Variants in CCDC73 observed in about 807,000 individuals in gnomAD.
The protein encoded by CCDC73 is coiled-coil domain containing 73.
A neutral mutation model predicts 116.5 loss-of-function variants in CCDC73; 95 were observed. That is an observed-to-expected ratio of 0.82 (90% CI 0.69 to 0.97). The LOEUF (loss-of-function observed/expected upper bound fraction) is 0.97, where lower values mean the gene tolerates loss of function less well. Among genes scored for constraint, CCDC73 ranks in the 50% least tolerant of loss-of-function variants. The pLI is 0.00. For synonymous variants in CCDC73, 398 were observed against 401.3 expected (o/e 0.99, Z 0.10); for missense variants, 1,066 against 1,206.8 (o/e 0.88, Z 1.73).
At chr11:32,603,263 A>T (rs1855300806) in intron 17 of CCDC73, 1 of 374,452 alleles carries the variant, frequency 2.7e-6, no homozygotes, top group Non-Finnish European at 4.8e-6. Context: ...TTACTACTTC[A>T]TGTTTCCTCC....
At chr11:32,727,818 C>T (rs970935285) in intron 2 of CCDC73, among the ~76,000 whole-genome samples, 46 of 152,268 alleles carry the variant, frequency 3.0e-4, no homozygotes, top group African/African-American at 1.1e-3. Context: ...GATTCACCTG[C>T]CTCGGCCTCC....
rs576312244 is a variant in CCDC73, at chr11:32,670,440, T to A, written c.645+5125A>T. Among the ~76,000 whole-genome samples the A allele has an allele frequency of 2.6e-5, 4 of 151,302 alleles. No homozygotes were observed. The South Asian group carries it at 8.4e-4, about 32-fold the overall frequency. The stretch of plus-strand genomic sequence containing the variant: ...AGGAGGCTGAGGCAGGAGAATGGCG[T>A]GAACCTGGGGGGCGGAGCTTGCAGT... On this transcript the variant is annotated intron_variant, in intron 9 of 17. Transcript: ENST00000335185.
At chr11:32,646,459 A>G (rs1374280388) in intron 12 of CCDC73, among the ~76,000 whole-genome samples, 1 of 152,194 alleles carries the variant, frequency 6.6e-6, no homozygotes, top group East Asian at 1.9e-4. Flanking sequence ...GATTCTACCA[A>G]TACTCGGCAA....
chr11:32,768,931 G>C (rs1369955997), intron 1 of CCDC73, among the ~76,000 whole-genome samples: 1 of 152,190 alleles, frequency 6.6e-6, no homozygotes, highest in African/African-American at 2.4e-5. Context: ...CTTCATAAAA[G>C]AGGATATCCA....
chr11:32,807,482 T>C, the CCDC73 span, among the ~76,000 whole-genome samples: 1 of 152,180 alleles, frequency 6.6e-6, no homozygotes, highest in African/African-American at 2.4e-5. Flanking sequence ...ATGCCATACA[T>C]AAAGTTTGTC....
chr11:32,705,932 C>A (rs1188139002), intron 3 of CCDC73, among the ~76,000 whole-genome samples: 1 of 148,296 alleles, frequency 6.7e-6, no homozygotes. Flanking sequence ...TGTTTTTCTG[C>A]AGTTAGTAAT....
At chr11:32,670,516 T>G (rs2133282214) in intron 9 of CCDC73, among the ~76,000 whole-genome samples, 1 of 96,100 alleles carries the variant, frequency 1.0e-5, no homozygotes, top group East Asian at 4.1e-4. Context: ...AGCAAGGCTC[T>G]GTCTCAAAAA....
chr11:32,745,259 G>T (rs1850225940), intron 2 of CCDC73, among the ~76,000 whole-genome samples: 1 of 152,088 alleles, frequency 6.6e-6, no homozygotes, highest in African/African-American at 2.4e-5. Flanking sequence ...ATTGCCCTGT[G>T]GTCTGAGAGA....
At chr11:32,709,097 G>C (rs753597349) in intron 3 of CCDC73, among the ~76,000 whole-genome samples, 5 of 152,052 alleles carry the variant, frequency 3.3e-5, no homozygotes, top group Non-Finnish European at 7.4e-5. Context: ...ATTTTGCTGA[G>C]GGTTTTAATC....
At chr11:32,799,545 T>C (rs1185081629), upstream of CCDC73, among the ~76,000 whole-genome samples, 1 of 152,210 alleles carries the variant, frequency 6.6e-6, no homozygotes, top group Non-Finnish European at 1.5e-5. Context: ...TTTTTACACT[T>C]AACATAGATT....
intron 3 of CCDC73, among the ~76,000 whole-genome samples, chr11:32,705,415 T>C (rs987554199): frequency 3.3e-5 from 5 of 152,120 alleles, no homozygotes; most frequent in Non-Finnish European, 7.4e-5. Context: ...GTGCCTGCAG[T>C]GGAAGCCACT....
intron 7 of CCDC73, among the ~76,000 whole-genome samples, chr11:32,677,270 T>G (rs111340840): frequency 0.036 from 5,521 of 152,296 alleles, 106 homozygotes; most frequent in Non-Finnish European, 0.039. Flanking sequence ...ACTATTTACT[T>G]TATTGAAATA....
intron 1 of CCDC73, among the ~76,000 whole-genome samples, chr11:32,768,823 C>T (rs753980814): frequency 6.6e-6 from 1 of 152,002 alleles, no homozygotes; most frequent in Non-Finnish European, 1.5e-5. Context: ...CCACCATAGG[C>T]GACGGAGTGA....
rs185138382 is a variant in CCDC73 at position 32,640,958 on chromosome 11, G to A, written c.1050+1014C>T. On this transcript the variant is annotated intron_variant, in intron 13 of 17. Coordinates refer to ENST00000335185, the MANE Select transcript of CCDC73 (RefSeq NM_001008391.4). ...GTGAACCCAGGAGGCAGAGCTTGCA[G>A]TGAGCAGAGATCCGTCCACGGCACT... Among the ~76,000 whole-genome samples the A allele has an allele frequency of 1.6e-4, 24 of 152,110 alleles. No homozygotes were observed. In the East Asian group the frequency reaches 3.9e-3, roughly 25 times the overall value.
chr11:32,747,196 G>A (rs1850246920), intron 2 of CCDC73, among the ~76,000 whole-genome samples: 1 of 151,876 alleles, frequency 6.6e-6, no homozygotes, highest in African/African-American at 2.4e-5. Context: ...TCAGCTGCAG[G>A]TCTGTTGGAG....
intron 14 of CCDC73, among the ~76,000 whole-genome samples, chr11:32,628,961 C>A (rs1855601152): frequency 1.3e-5 from 2 of 151,372 alleles, no homozygotes; most frequent in Non-Finnish European, 1.5e-5. Context: ...AATTTTAAAT[C>A]CCAAAAGAAA....
intron 2 of CCDC73, among the ~76,000 whole-genome samples, chr11:32,731,467 C>G (rs1850077559): frequency 6.6e-6 from 1 of 152,240 alleles, no homozygotes; most frequent in Non-Finnish European, 1.5e-5. Flanking sequence ...CAGACTGCAT[C>G]AAGTGGGTCC....
intron 12 of CCDC73, among the ~76,000 whole-genome samples, chr11:32,644,317 G>T (rs1855758018): frequency 6.6e-6 from 1 of 152,052 alleles, no homozygotes; most frequent in African/African-American, 2.4e-5. Context: ...GGGAACAATG[G>T]ACACCAGGGC....
At chr11:32,649,862 C>T (rs567683812) in intron 12 of CCDC73, among the ~76,000 whole-genome samples, 1 of 152,192 alleles carries the variant, frequency 6.6e-6, no homozygotes, top group East Asian at 1.9e-4. Flanking sequence ...TTTTTAATAT[C>T]TTTACTTACC....
Sources: allele counts gnomAD v4.1 joint callset (sites outside exome capture counted in the v4.1 genomes callset), GRCh38; gene constraint gnomAD v4.1.1; transcripts MANE v1.5; gene names NCBI Gene and HGNC (gene_info 2026-07-23, HGNC 2026-07-21).